MRPS10: variants seen among roughly 807,000 people sequenced by gnomAD.
MRPS10 encodes the protein mitochondrial ribosomal protein S10.
MRPS10 carries 23 observed loss-of-function variants against 27.5 expected under a neutral mutation model. The ratio of observed to expected loss-of-function variants is 0.84; its 90% CI spans 0.60 to 1.18. The LOEUF (loss-of-function observed/expected upper bound fraction) is 1.18. Ranked by LOEUF, MRPS10 falls within the 50% of genes most tolerant of loss-of-function variation. The pLI is 0.00. For missense variants in MRPS10, 237 were observed against 240.1 expected, an observed-to-expected ratio of 0.99 and a Z score of 0.09; for synonymous variants, 88 against 84.2, an observed-to-expected ratio of 1.04 and a Z score of -0.25.
chr6:42,208,600 G>T (rs1768678361), intron 6 of MRPS10, among the ~76,000 whole-genome samples: 1 of 152,108 alleles, frequency 6.6e-6, no homozygotes, highest in Non-Finnish European at 1.5e-5. Flanking sequence ...CACTTAATGG[G>T]ATCCCCAGGT....
chr6:42,209,628 G>A (rs540467971), intron 5 of MRPS10, among the ~76,000 whole-genome samples: 1 of 151,682 alleles, frequency 6.6e-6, no homozygotes, highest in Non-Finnish European at 1.5e-5. Flanking sequence ...TACACCTGTA[G>A]TCCCAGCTAC....
rs1382692174 is a variant in MRPS10 at position 42,207,698 on chromosome 6, C to CTA, written c.*589_*590dup. On this transcript the variant is annotated 3_prime_UTR_variant, in exon 7 of 7. Transcript: ENST00000053468. The stretch of plus-strand genomic sequence containing the variant: ...ATTACAGTAACCCTGGTAGGCAACT[C>CTA]TATAAAGTTCTGGGCTCCAAGAAGA... 2.6e-5 allele frequency: 4 copies of CTA among 152,362 alleles called. No homozygotes were observed. In the East Asian group the frequency reaches 7.7e-4, roughly 29 times the overall value. 9.4% of individuals were successfully genotyped at this position (152,362 alleles called of 1,614,324 possible).
At chr6:42,213,372 C>T (rs1768837383) in intron 3 of MRPS10, among the ~76,000 whole-genome samples, 1 of 152,138 alleles carries the variant, frequency 6.6e-6, no homozygotes, top group Non-Finnish European at 1.5e-5. Context: ...CTACTTGAAC[C>T]CAGGAGGCTG....
intron 3 of MRPS10, 72 bp from the exon 4 acceptor site, chr6:42,211,989 C>A (rs940552672): frequency 7.3e-7 from 1 of 1,376,340 alleles, no homozygotes; most frequent in Non-Finnish European, 1.0e-6. Context: ...AAACATTAGC[C>A]TCAATTGAAC....
intron 6 of MRPS10, 84 bp from the exon 7 acceptor site, chr6:42,208,456 C>A: frequency 9.7e-7 from 1 of 1,029,300 alleles, no homozygotes; most frequent in South Asian, 1.5e-5. Flanking sequence ...TTGGTCAAAT[C>A]CTCTTTACTT....
At chr6:42,216,512 AAG>A (rs1163814889) in intron 1 of MRPS10, among the ~76,000 whole-genome samples, 2 of 150,604 alleles carry the variant, frequency 1.3e-5, no homozygotes, top group African/African-American at 4.9e-5. Flanking sequence ...GACTTTTCTC[AAG>A]AACAGTGGTT....
At chr6:42,214,618 T>C (rs562282812) in intron 1 of MRPS10, among the ~76,000 whole-genome samples, 6 of 139,724 alleles carry the variant, frequency 4.3e-5, no homozygotes, top group Non-Finnish European at 6.3e-5. Context: ...AAAAAAGCTA[T>C]GAATTATGTG....
intron 1 of MRPS10, among the ~76,000 whole-genome samples, chr6:42,216,385 A>AGAGTGTGT: frequency 1.7e-5 from 1 of 58,642 alleles, no homozygotes; most frequent in African/African-American, 4.5e-5. Context: ...AGAGAGAGAG[A>AGAGTGTGT]GTGTGTGTGT....
chr6:42,211,999 C>A, intron 3 of MRPS10, 82 bp from the exon 4 acceptor site: 1 of 1,301,052 alleles, frequency 7.7e-7, no homozygotes, highest in South Asian at 1.3e-5. Context: ...CTCAATTGAA[C>A]AACTTCAGAG....
In MRPS10 at chr6:42,208,982, CTGTT is replaced by C. The variant is rs376397412; in HGVS notation, c.433-39_433-36del. The C allele has an allele frequency of 4.1e-5, 58 of 1,402,144 alleles. No homozygotes were observed. The African/African-American group carries it at 8.1e-4, about 19-fold the overall frequency. 86.9% of individuals were successfully genotyped at this position (1,402,144 alleles called of 1,614,324 possible). A position where few individuals can be genotyped will look rare whatever the true frequency, so the allele number is the denominator to read the frequency against. ...CAAACATGAAAATGTTTCATGTAAGCTGTTTGTTAAAGCACGGTTTTTTGTTTTT... is the reference window on the plus strand; with the variant it reads ...CAAACATGAAAATGTTTCATGTAAGCTGTTAAAGCACGGTTTTTTGTTTTT... On this transcript the variant is annotated intron_variant, in intron 5 of 6. Coordinates refer to ENST00000053468, the MANE Select transcript of MRPS10 (RefSeq NM_018141.4).
intron 3 of MRPS10, among the ~76,000 whole-genome samples, chr6:42,213,794 A>G (rs76615188): frequency 6.6e-6 from 1 of 152,376 alleles, no homozygotes; most frequent in East Asian, 1.9e-4. Context: ...TGAAGGCTAC[A>G]AGAAAAATAC....
chr6:42,217,104 G>A (rs1768962081), intron 1 of MRPS10, among the ~76,000 whole-genome samples: 1 of 152,130 alleles, frequency 6.6e-6, no homozygotes, highest in Admixed American at 6.5e-5. Context: ...TCCTTACTCA[G>A]TTTGTTCAGA....
chr6:42,207,513 C>G lies in MRPS10; in HGVS notation c.*776G>C, dbSNP rs934160477. The G allele has an allele frequency of 1.3e-5, 2 of 152,230 alleles. No individual in the cohort carries two copies. The highest frequency in any genetic ancestry group is 4.8e-5 in the African/African-American group (2 of 41,452). The allele number at this position is 152,230 out of a possible 1,614,324, so 9.4% of individuals were successfully genotyped here. ...GGGATTACAGGCGTGAGCCACCGTG[C>G]CTGGCCTGCTTTGTGCGATTTTCAA... On this transcript the variant is annotated 3_prime_UTR_variant, in exon 7 of 7. Transcript: ENST00000053468.
At chr6:42,215,653 G>A (rs1164374318) in intron 1 of MRPS10, among the ~76,000 whole-genome samples, 3 of 151,894 alleles carry the variant, frequency 2.0e-5, no homozygotes, top group South Asian at 2.1e-4. Context: ...TCTTGAACTC[G>A]TGGGCTCAAG....
chr6:42,208,415 A>G (rs1398314279), intron 6 of MRPS10, 43 bp from the exon 7 acceptor site: 1 of 1,401,604 alleles, frequency 7.1e-7, no homozygotes, highest in Non-Finnish European at 9.9e-7. Flanking sequence ...GATTTAACAG[A>G]ACTCTTTGAC....
At chr6:42,215,468 ACT>A (rs1420157227) in intron 1 of MRPS10, among the ~76,000 whole-genome samples, 1 of 151,420 alleles carries the variant, frequency 6.6e-6, no homozygotes, top group African/African-American at 2.4e-5. Flanking sequence ...ACAAGGTCTC[ACT>A]CTGTTATCCA....
intron 1 of MRPS10, among the ~76,000 whole-genome samples, chr6:42,217,444 C>T (rs2113869864): frequency 6.6e-6 from 1 of 152,278 alleles, no homozygotes; most frequent in East Asian, 1.9e-4. Context: ...AGTCTGATAT[C>T]TTGCACCAGC....
intron 1 of MRPS10, among the ~76,000 whole-genome samples, chr6:42,216,986 C>A (rs1299901574): frequency 1.3e-5 from 2 of 152,148 alleles, no homozygotes; most frequent in African/African-American, 4.8e-5. Context: ...TTTCCCGTGA[C>A]AGCCTGAGGT....
rs1158140242 is a variant in MRPS10, at chr6:42,208,916, A to C, written c.464T>G (p.Val155Gly). The change falls in exon 6 of 7, where the codon GTC becomes GGC. Residue 155 changes from valine (V) to glycine (G), a missense_variant. Coordinates refer to ENST00000053468, the MANE Select transcript of MRPS10 (RefSeq NM_018141.4). ...LEHLTGSTADVYLEYIQRNLP... is the reference protein window; with the variant it reads ...LEHLTGSTADGYLEYIQRNLP... ...GTTTCGCTGAATATATTCCAAGTAG[A>C]CATCTGCTGTGCTTCCAGTTAGATG... The C allele has an allele frequency of 6.2e-7, 1 of 1,611,768 alleles. No homozygotes were observed. Among genetic ancestry groups the C allele is most frequent in the East Asian group, 2.2e-5 (1 of 44,784 alleles).
Sources: gnomAD v4.1 joint callset for allele counts (sites outside exome capture counted in the v4.1 genomes callset) on GRCh38, gnomAD v4.1.1 for gene constraint, MANE v1.5 for transcripts, NCBI Gene and HGNC (gene_info 2026-07-23, HGNC 2026-07-21) for gene names.